SLC24A3: variants seen among roughly 807,000 people sequenced by gnomAD.
SLC24A3 encodes the protein sodium/potassium/calcium exchanger 3.
In SLC24A3, 28 loss-of-function variants were observed where a neutral mutation model predicts 75.8. The observed-to-expected ratio is 0.37, with a 90% CI of 0.27 to 0.51. The LOEUF (loss-of-function observed/expected upper bound fraction) is 0.51. Among genes scored for constraint, SLC24A3 ranks in the 20% least tolerant of loss-of-function variants. The pLI, the probability that SLC24A3 is intolerant of heterozygous loss-of-function variation, is 0.94. For synonymous variants in SLC24A3, 372 were observed against 334.1 expected (o/e 1.11, Z -1.24); for missense variants, 663 against 847.8 (o/e 0.78, Z 2.71).
chr20:19,658,459 C>T (rs1308206929), intron 7 of SLC24A3, among the ~76,000 whole-genome samples: 1 of 152,152 alleles, frequency 6.6e-6, no homozygotes, highest in South Asian at 2.1e-4. Flanking sequence ...CTTCCCTATT[C>T]GGGTATTTCA....
At chr20:19,370,319 G>C (rs1985970698) in intron 2 of SLC24A3, among the ~76,000 whole-genome samples, 1 of 152,198 alleles carries the variant, frequency 6.6e-6, no homozygotes, top group Admixed American at 6.5e-5. Context: ...TCTGTTGTTT[G>C]ATAAGTGATG....
intron 2 of SLC24A3, among the ~76,000 whole-genome samples, chr20:19,436,736 C>G (rs1218438598): frequency 6.6e-6 from 1 of 152,204 alleles, no homozygotes; most frequent in South Asian, 2.1e-4. Flanking sequence ...ACTCTCTCCC[C>G]ATCTCTACTT....
chr20:19,438,425 C>G (rs1401687680), intron 2 of SLC24A3, among the ~76,000 whole-genome samples: 4 of 152,170 alleles, frequency 2.6e-5, no homozygotes, highest in Non-Finnish European at 1.5e-5. Flanking sequence ...GTAGTGTAGA[C>G]AGCAAACTGC....
intron 2 of SLC24A3, among the ~76,000 whole-genome samples, chr20:19,467,062 G>A (rs772810728): frequency 2.6e-5 from 4 of 152,162 alleles, no homozygotes; most frequent in Admixed American, 6.5e-5. Flanking sequence ...CCGGGCAATC[G>A]GATATCATTT....
chr20:19,545,356 C>T (rs1280872047), intron 3 of SLC24A3, among the ~76,000 whole-genome samples: 1 of 152,238 alleles, frequency 6.6e-6, no homozygotes, highest in Non-Finnish European at 1.5e-5. Flanking sequence ...TTCTGCAAGA[C>T]TCCTCTTCAG....
chr20:19,241,844 G>A (rs1261823845), intron 1 of SLC24A3, among the ~76,000 whole-genome samples: 1 of 152,192 alleles, frequency 6.6e-6, no homozygotes, highest in Non-Finnish European at 1.5e-5. Flanking sequence ...GACAATGGGG[G>A]TCATTTTACT....
At chr20:19,571,461 A>G (rs760688125) in intron 3 of SLC24A3, among the ~76,000 whole-genome samples, 1 of 152,128 alleles carries the variant, frequency 6.6e-6, no homozygotes, top group Non-Finnish European at 1.5e-5. Context: ...AGAGGGAGAG[A>G]GAGGAGAAAA....
intron 2 of SLC24A3, among the ~76,000 whole-genome samples, chr20:19,433,269 T>A (rs923879830): frequency 2.0e-5 from 3 of 152,178 alleles, no homozygotes; most frequent in African/African-American, 4.8e-5. Context: ...TTTCTGGAGT[T>A]TGGGGATTGA....
chr20:19,379,605 C>T (rs1014942295), intron 2 of SLC24A3, among the ~76,000 whole-genome samples: 2 of 152,134 alleles, frequency 1.3e-5, no homozygotes. Context: ...CCCCCAGTTA[C>T]CTTTGTAACC....
chr20:19,465,249 G>C (rs1461472914), intron 2 of SLC24A3, among the ~76,000 whole-genome samples: 1 of 152,122 alleles, frequency 6.6e-6, no homozygotes, highest in Non-Finnish European at 1.5e-5. Context: ...AAGTTGGGAG[G>C]GTGGAGAACT....
intron 6 of SLC24A3, among the ~76,000 whole-genome samples, chr20:19,606,365 G>A (rs1480846883): frequency 6.6e-6 from 1 of 152,228 alleles, no homozygotes; most frequent in African/African-American, 2.4e-5. Flanking sequence ...GGCTCAGGCA[G>A]TGCCCATAGA....
At chr20:19,455,381 G>T (rs1301422259) in intron 2 of SLC24A3, among the ~76,000 whole-genome samples, 1 of 152,130 alleles carries the variant, frequency 6.6e-6, no homozygotes, top group African/African-American at 2.4e-5. Flanking sequence ...TGAAGTTGTG[G>T]CAGATGCTAT....
intron 2 of SLC24A3, among the ~76,000 whole-genome samples, chr20:19,302,946 A>G (rs899975424): frequency 6.6e-6 from 1 of 151,706 alleles, no homozygotes; most frequent in African/African-American, 2.4e-5. Flanking sequence ...TAAATGACCC[A>G]TTTAAGGTGT....
intron 1 of SLC24A3, among the ~76,000 whole-genome samples, chr20:19,279,933 CG>C (rs1227109148): frequency 6.6e-6 from 1 of 152,208 alleles, no homozygotes; most frequent in Non-Finnish European, 1.5e-5. Context: ...CCTATCTACA[CG>C]GTACCTAAAG....
intron 1 of SLC24A3, among the ~76,000 whole-genome samples, chr20:19,270,546 G>T (rs1372560910): frequency 1.3e-5 from 2 of 152,140 alleles, no homozygotes; most frequent in Non-Finnish European, 2.9e-5. Context: ...ATATATTATT[G>T]TATCCTCATG....
intron 15 of SLC24A3, among the ~76,000 whole-genome samples, chr20:19,711,613 C>T (rs906029699): frequency 6.6e-6 from 1 of 152,248 alleles, no homozygotes; most frequent in Non-Finnish European, 1.5e-5. Context: ...AACACACACA[C>T]CCATGCTCAG....
intron 2 of SLC24A3, among the ~76,000 whole-genome samples, chr20:19,428,907 G>A (rs1480640710): frequency 6.6e-6 from 1 of 152,172 alleles, no homozygotes; most frequent in Non-Finnish European, 1.5e-5. Flanking sequence ...TTGCAAGTTG[G>A]GGATATGGCA....
At chr20:19,713,060 C>T (rs1338986198) in intron 15 of SLC24A3, among the ~76,000 whole-genome samples, 2 of 152,098 alleles carry the variant, frequency 1.3e-5, no homozygotes, top group African/African-American at 2.4e-5. Context: ...TTTCTCAGAA[C>T]CTGTTGAATG....
At chr20:19,294,236 TTACTC>T (rs1984010231) in intron 2 of SLC24A3, among the ~76,000 whole-genome samples, 2 of 152,228 alleles carry the variant, frequency 1.3e-5, no homozygotes, top group African/African-American at 4.8e-5. Flanking sequence ...TTTTAATTAA[TTACTC>T]TAGTCAAAAT....
Sources: allele counts gnomAD v4.1 joint callset (sites outside exome capture counted in the v4.1 genomes callset), GRCh38; gene constraint gnomAD v4.1.1; transcripts MANE v1.5; gene names NCBI Gene and HGNC (gene_info 2026-07-23, HGNC 2026-07-21).